The following NUP98 variants were observed in gnomAD, a reference collection of about 807,000 sequenced individuals.
NUP98 encodes the protein nuclear pore complex protein Nup98-Nup96.
In NUP98, 26 loss-of-function variants were observed where a neutral mutation model predicts 191.9. The ratio of observed to expected loss-of-function variants is 0.14; its 90% CI spans 0.10 to 0.19. The LOEUF (loss-of-function observed/expected upper bound fraction) is 0.19. NUP98 is among the 10% of genes least tolerant of loss of function. The pLI, the probability that NUP98 is intolerant of heterozygous loss-of-function variation, is 1.00. For synonymous variants in NUP98, 808 were observed against 778.4 expected, an observed-to-expected ratio of 1.04 and a Z score of -0.63; for missense variants, 1,941 against 2,178.8, an observed-to-expected ratio of 0.89 and a Z score of 2.17.
At position 3,695,116 on chromosome 11, in the gene NUP98, T is replaced by G. The variant is rs113409614; in HGVS notation, c.4167+333A>C. Among the ~76,000 whole-genome samples, 767 of 152,270 alleles carry G rather than the reference T, an allele frequency of 5.0e-3. 5 individuals are homozygous for G. Among genetic ancestry groups the G allele is most frequent in the African/African-American group, 0.018 (734 of 41,538 alleles). ...AGATGGAGGATGCAGTGAGCCAAGATCACCCCACTGTACTCCTGCCTAGGC... is the reference window on the plus strand; with the variant it reads ...AGATGGAGGATGCAGTGAGCCAAGAGCACCCCACTGTACTCCTGCCTAGGC... On this transcript the variant is annotated intron_variant, in intron 26 of 32. Transcript: ENST00000324932.
chr11:3,698,560 T>G (rs1451663050), intron 25 of NUP98, among the ~76,000 whole-genome samples: 1 of 151,462 alleles, frequency 6.6e-6, no homozygotes, highest in African/African-American at 2.4e-5. Context: ...AAACCCTGTC[T>G]CTACTAAAAT....
chr11:3,704,368 GC>G (rs1223416858), intron 22 of NUP98, among the ~76,000 whole-genome samples: 6 of 152,250 alleles, frequency 3.9e-5, no homozygotes, highest in Admixed American at 3.9e-4. Context: ...ATAGTTACAA[GC>G]CCACTAGAAA....
At chr11:3,784,204 G>C (rs1042201563) in intron 1 of NUP98, among the ~76,000 whole-genome samples, 2 of 152,144 alleles carry the variant, frequency 1.3e-5, no homozygotes, top group Non-Finnish European at 2.9e-5. Flanking sequence ...CCAAATTCTA[G>C]TATCCCACTA....
intron 20 of NUP98, among the ~76,000 whole-genome samples, chr11:3,708,516 T>C (rs2078933011): frequency 6.6e-6 from 1 of 152,150 alleles, no homozygotes; most frequent in Non-Finnish European, 1.5e-5. Flanking sequence ...TTCAAACCTG[T>C]AAGATATCAT....
chr11:3,768,803 A>G, intron 7 of NUP98, 59 bp from the exon 8 acceptor site: 16 of 1,304,978 alleles, frequency 1.2e-5, no homozygotes, highest in Non-Finnish European at 1.6e-5. Context: ...GTAAACACCC[A>G]AAAATACAAA....
chr11:3,732,876 A>T (rs1357496389), intron 13 of NUP98, among the ~76,000 whole-genome samples: 1 of 152,196 alleles, frequency 6.6e-6, no homozygotes, highest in Non-Finnish European at 1.5e-5. Flanking sequence ...TTATTCCCAG[A>T]TTGTTGTGAT....
At chr11:3,696,813 CA>C (rs2078522709) in intron 25 of NUP98, 1 of 138,776 alleles carries the variant, frequency 7.2e-6, no homozygotes, top group Non-Finnish European at 1.5e-5. Context: ...GTCTCGAAAA[CA>C]AAAACAAAAA....
At chr11:3,688,824 T>TATATATATATATTTAAATATAC (rs1554886596) in intron 28 of NUP98, among the ~76,000 whole-genome samples, 5 of 141,556 alleles carry the variant, frequency 3.5e-5, no homozygotes, top group African/African-American at 1.3e-4. Context: ...AATATACATA[T>TATATATATATATTTAAATATAC]ATATATATAT....
intron 1 of NUP98, among the ~76,000 whole-genome samples, chr11:3,787,329 C>T (rs921634284): frequency 6.6e-6 from 1 of 152,072 alleles, no homozygotes; most frequent in African/African-American, 2.4e-5. Context: ...GGTCTGTAAT[C>T]CCGGCACTTT....
chr11:3,775,746 T>C (rs1441102486), intron 5 of NUP98, 136 bp downstream of exon 5: 15 of 708,698 alleles, frequency 2.1e-5, no homozygotes, highest in Non-Finnish European at 3.3e-5. Flanking sequence ...TACAACTATT[T>C]ATAGATTTTG....
chr11:3,726,303 A>C (rs2079614760), intron 14 of NUP98, among the ~76,000 whole-genome samples: 1 of 151,932 alleles, frequency 6.6e-6, no homozygotes, highest in Admixed American at 6.6e-5. Flanking sequence ...GGAGAGGAGA[A>C]AGGAACAAGA....
intron 26 of NUP98, among the ~76,000 whole-genome samples, chr11:3,693,951 C>G (rs1044658864): frequency 3.9e-5 from 6 of 152,164 alleles, no homozygotes; most frequent in African/African-American, 1.4e-4. Flanking sequence ...ATAATGCCAG[C>G]CAGGCACTGT....
chr11:3,776,810 G>A (rs1387448193), intron 4 of NUP98, among the ~76,000 whole-genome samples: 1 of 151,752 alleles, frequency 6.6e-6, no homozygotes, highest in African/African-American at 2.4e-5. Context: ...AATTCATACA[G>A]AAAGATACGT....
chr11:3,710,646 G>T (rs1436680257), intron 20 of NUP98, among the ~76,000 whole-genome samples: 1 of 152,194 alleles, frequency 6.6e-6, no homozygotes, highest in African/African-American at 2.4e-5. Flanking sequence ...GCTATTTCCA[G>T]TATACTCAAA....
intron 14 of NUP98, among the ~76,000 whole-genome samples, chr11:3,729,962 C>T (rs927113221): frequency 3.3e-5 from 5 of 152,026 alleles, no homozygotes; most frequent in Non-Finnish European, 5.9e-5. Context: ...TAGGACAAGG[C>T]GGGGCACAGT....
chr11:3,757,492 CAAACA>C (rs1015230108), intron 10 of NUP98, among the ~76,000 whole-genome samples: 2 of 150,604 alleles, frequency 1.3e-5, no homozygotes, highest in South Asian at 4.2e-4. Flanking sequence ...CCCCAAAAAA[CAAACA>C]AAACAAAACA....
intron 13 of NUP98, among the ~76,000 whole-genome samples, chr11:3,733,107 T>C (rs773147115): frequency 2.0e-5 from 3 of 152,220 alleles, no homozygotes; most frequent in Non-Finnish European, 4.4e-5. Context: ...GTTTTTAGTA[T>C]ATTTACAAGG....
chr11:3,724,866 A>G lies in NUP98; in HGVS notation c.1847+237T>C, dbSNP rs187309638. On this transcript the variant is annotated intron_variant, in intron 15 of 32. Transcript: ENST00000324932. The stretch of plus-strand genomic sequence containing the variant: ...TCAAATACATGCTAACCCTGTCCAA[A>G]ACAAGATACACAAATACCAAAATAG... Among the ~76,000 whole-genome samples the G allele has an allele frequency of 1.0e-3, 157 of 152,208 alleles. 2 individuals carry two copies. The Middle Eastern group carries it at 0.02, about 20-fold the overall frequency.
chr11:3,764,896 G>A (rs1357221884), intron 8 of NUP98, among the ~76,000 whole-genome samples: 1 of 151,980 alleles, frequency 6.6e-6, no homozygotes, highest in Non-Finnish European at 1.5e-5. Flanking sequence ...TTTTTTTATT[G>A]TATCTTTCAA....
Sources: allele counts gnomAD v4.1 joint callset (sites outside exome capture counted in the v4.1 genomes callset), GRCh38; gene constraint gnomAD v4.1.1; transcripts MANE v1.5; gene names NCBI Gene and HGNC (gene_info 2026-07-23, HGNC 2026-07-21).